Variants in PRP4K observed in about 807,000 individuals in gnomAD.
PRP4K encodes the protein serine/threonine-protein kinase PRP4 homolog.
chr6:4,035,387 T>TCTGC, the PRP4K span, among the ~76,000 whole-genome samples: 1 of 148,152 alleles, frequency 6.7e-6, no homozygotes, highest in Non-Finnish European at 1.5e-5. Context: ...CCTCAGGTTA[T>TCTGC]CTGCCTGCCT....
At chr6:4,056,517 C>T in the PRP4K span, 1 of 1,608,190 alleles carries the variant, frequency 6.2e-7, no homozygotes, top group South Asian at 1.1e-5. Flanking sequence ...TGTTTTCCAT[C>T]ACACTTCAGC....
At chr6:4,025,157 G>A in the PRP4K span, among the ~76,000 whole-genome samples, 12 of 152,124 alleles carry the variant, frequency 7.9e-5, no homozygotes, top group Admixed American at 6.6e-5. Context: ...ACATCCACTT[G>A]GCTAAATGTG....
At chr6:4,032,208 A>G in the PRP4K span, 1 of 1,614,048 alleles carries the variant, frequency 6.2e-7, no homozygotes, top group Non-Finnish European at 8.5e-7. Flanking sequence ...CAAAAGAAGT[A>G]AGTCTCAAGA....
At chr6:4,022,154 ATTTTTTTT>A in the PRP4K span, among the ~76,000 whole-genome samples, 55 of 92,010 alleles carry the variant, frequency 6.0e-4, no homozygotes, top group Admixed American at 2.1e-3. Context: ...GAGGCCTGGC[ATTTTTTTT>A]TTTTTTTTTT....
chr6:4,043,950 A>G, the PRP4K span: 2 of 1,614,222 alleles, frequency 1.2e-6, no homozygotes, highest in Non-Finnish European at 1.7e-6. Flanking sequence ...AAGAGTATGA[A>G]CGGGAAAATG....
At chr6:4,038,601 C>T in the PRP4K span, among the ~76,000 whole-genome samples, 3 of 152,050 alleles carry the variant, frequency 2.0e-5, no homozygotes, top group East Asian at 1.9e-4. Context: ...ACTCATGTTT[C>T]GCTTTTGCCT....
the PRP4K span, chr6:4,044,235 T>G: frequency 7.7e-6 from 4 of 522,870 alleles, no homozygotes; most frequent in South Asian, 1.1e-4. Context: ...AATAGTATAC[T>G]GAACTCTCAC....
At chr6:4,055,876 G>C in the PRP4K span, among the ~76,000 whole-genome samples, 3 of 152,094 alleles carry the variant, frequency 2.0e-5, no homozygotes, top group African/African-American at 7.2e-5. Flanking sequence ...TTTTGTTTTT[G>C]TCCAAGTTTA....
At chr6:4,035,706 G>A in the PRP4K span, among the ~76,000 whole-genome samples, 1 of 152,084 alleles carries the variant, frequency 6.6e-6, no homozygotes, top group South Asian at 2.1e-4. Context: ...AGTGGCTCAC[G>A]CCTGTGTTCC....
chr6:4,031,312 G>C, the PRP4K span, among the ~76,000 whole-genome samples: 1 of 152,136 alleles, frequency 6.6e-6, no homozygotes, highest in Non-Finnish European at 1.5e-5. Flanking sequence ...CACTCCATTA[G>C]GGATTTCCTC....
At chr6:4,036,985 CA>C in the PRP4K span, among the ~76,000 whole-genome samples, 388 of 113,884 alleles carry the variant, frequency 3.4e-3, 1 homozygote, top group African/African-American at 5.6e-3. Flanking sequence ...GACCCTGTCT[CA>C]AAAAAAAAAA....
chr6:4,021,768 G>A, the PRP4K span, among the ~76,000 whole-genome samples: 1 of 152,190 alleles, frequency 6.6e-6, no homozygotes, highest in African/African-American at 2.4e-5. Flanking sequence ...CAGTGAGGTC[G>A]CGCTTTCCTA....
chr6:4,057,255 G>A, the PRP4K span: 1 of 1,524,976 alleles, frequency 6.6e-7, no homozygotes, highest in Non-Finnish European at 8.9e-7. Flanking sequence ...GCTGACACTT[G>A]CTCACCACTA....
At chr6:4,036,238 T>G in the PRP4K span, among the ~76,000 whole-genome samples, 1 of 152,122 alleles carries the variant, frequency 6.6e-6, no homozygotes, top group Non-Finnish European at 1.5e-5. Context: ...CTGGGGAGAC[T>G]GGAGGCAGGG....
At chr6:4,037,548 A>G in the PRP4K span, 1 of 1,613,866 alleles carries the variant, frequency 6.2e-7, no homozygotes, top group Non-Finnish European at 8.5e-7. Flanking sequence ...TCCAAGAAGA[A>G]GAAGCAGATC....
At chr6:4,058,879 G>A in the PRP4K span, 6 of 1,267,308 alleles carry the variant, frequency 4.7e-6, no homozygotes, top group East Asian at 7.3e-5. Flanking sequence ...AATCATACGA[G>A]CTGGTGAATT....
chr6:4,026,486 A>G, the PRP4K span, among the ~76,000 whole-genome samples: 3 of 151,702 alleles, frequency 2.0e-5, no homozygotes, highest in African/African-American at 7.3e-5. Context: ...GTATTTTTGT[A>G]GAGACAGGGT....
the PRP4K span, chr6:4,064,333 A>T: frequency 6.6e-6 from 1 of 152,438 alleles, no homozygotes; most frequent in Non-Finnish European, 1.5e-5. Context: ...TAATGTTCTC[A>T]GTTTTGTTCC....
At chr6:4,026,550 G>C in the PRP4K span, among the ~76,000 whole-genome samples, 1 of 152,026 alleles carries the variant, frequency 6.6e-6, no homozygotes, top group African/African-American at 2.4e-5. Context: ...TGATCTGCCT[G>C]CTTGGGCCTC....
Sources: allele counts gnomAD v4.1 joint callset (sites outside exome capture counted in the v4.1 genomes callset), GRCh38; gene constraint gnomAD v4.1.1; transcripts MANE v1.5; gene names NCBI Gene and HGNC (gene_info 2026-07-23, HGNC 2026-07-21).